TMC1: variants seen among roughly 807,000 people sequenced by gnomAD.
TMC1 encodes the protein transmembrane channel like 1, also known as transmembrane channel-like protein 1.
In TMC1, 84 loss-of-function variants were observed where a neutral mutation model predicts 105.8. That is an observed-to-expected ratio of 0.79 (90% CI 0.67 to 0.95). TMC1 has a LOEUF of 0.95. TMC1 is among the 40% of genes least tolerant of loss of function. TMC1 has a pLI of 0.00. For missense variants in TMC1, 817 were observed against 914.1 expected (o/e 0.89, Z 1.37); for synonymous variants, 315 against 311.5 (o/e 1.01, Z -0.12).
chr9:72,696,063 A>G (rs979054833), intron 7 of TMC1, among the ~76,000 whole-genome samples: 5 of 152,172 alleles, frequency 3.3e-5, no homozygotes, highest in Non-Finnish European at 7.3e-5. Flanking sequence ...TCTCCAATTG[A>G]TGTATGCATG....
intron 3 of TMC1, among the ~76,000 whole-genome samples, chr9:72,622,725 C>G (rs1468778841): frequency 6.6e-6 from 1 of 152,082 alleles, no homozygotes; most frequent in Non-Finnish European, 1.5e-5. Flanking sequence ...ATCTATTATT[C>G]CCTTGGTGAG....
At chr9:72,619,725 AT>A (rs1183264844) in intron 3 of TMC1, among the ~76,000 whole-genome samples, 1 of 151,804 alleles carries the variant, frequency 6.6e-6, no homozygotes, top group African/African-American at 2.4e-5. Context: ...AAAGTACATT[AT>A]TTTTTAGGTT....
intron 8 of TMC1, among the ~76,000 whole-genome samples, chr9:72,710,845 T>C (rs765722813): frequency 3.7e-4 from 56 of 152,176 alleles, no homozygotes; most frequent in Non-Finnish European, 6.5e-4. Context: ...GCAGGTTTGT[T>C]ACATAGGTAT....
chr9:72,685,643 C>A (rs768344979), intron 5 of TMC1, among the ~76,000 whole-genome samples: 3 of 152,092 alleles, frequency 2.0e-5, no homozygotes, highest in Non-Finnish European at 2.9e-5. Flanking sequence ...GGATTACAGG[C>A]GTGAGCCACT....
chr9:72,600,039 T>A (rs918174494), intron 2 of TMC1, among the ~76,000 whole-genome samples: 6 of 152,068 alleles, frequency 3.9e-5, no homozygotes, highest in African/African-American at 1.4e-4. Flanking sequence ...TTGTGGAGGT[T>A]GTGTAATTGT....
At chr9:72,589,744 T>C (rs189868027) in intron 2 of TMC1, among the ~76,000 whole-genome samples, 166 of 152,354 alleles carry the variant, frequency 1.1e-3, no homozygotes, top group Non-Finnish European at 1.6e-3. Flanking sequence ...TCTAACAGCA[T>C]TGGCTGTGGG....
At chr9:72,678,544 CAT>C (rs1826239446) in intron 5 of TMC1, among the ~76,000 whole-genome samples, 1 of 151,830 alleles carries the variant, frequency 6.6e-6, no homozygotes, top group Non-Finnish European at 1.5e-5. Context: ...TAATAACTAT[CAT>C]ATTATATTAT....
At chr9:72,587,060 G>C (rs1008931288) in intron 2 of TMC1, among the ~76,000 whole-genome samples, 1 of 152,222 alleles carries the variant, frequency 6.6e-6, no homozygotes, top group Non-Finnish European at 1.5e-5. Flanking sequence ...GGATGCTGCT[G>C]AACATTTTAC....
intron 7 of TMC1, among the ~76,000 whole-genome samples, chr9:72,698,477 T>G (rs1826587898): frequency 6.6e-6 from 1 of 152,194 alleles, no homozygotes; most frequent in African/African-American, 2.4e-5. Context: ...TCATAAATTA[T>G]TTTTCTGAGT....
chr9:72,656,083 G>A, intron 5 of TMC1: 1 of 697,558 alleles, frequency 1.4e-6, no homozygotes. Flanking sequence ...GATCAAGTCA[G>A]CACACACCTT....
chr9:72,835,850 C>A, intron 23 of TMC1, 101 bp from the exon 24 acceptor site: 1 of 1,371,972 alleles, frequency 7.3e-7, no homozygotes, highest in Non-Finnish European at 1.0e-6. Flanking sequence ...TCATTCAGAA[C>A]CATTAAGCAC....
Position 72,599,789 on chromosome 9 carries a change from G to A in TMC1, c.-305-16579G>A, listed in dbSNP as rs538900217. Among the ~76,000 whole-genome samples the A allele has an allele frequency of 2.0e-5, 3 of 147,492 alleles. No homozygotes were observed. The South Asian group carries it at 6.4e-4, about 31-fold the overall frequency. Reference sequence around the variant, plus strand: ...CATGCCATTGCACTCCAGCCTGGGCGACAAGAGCCAAACTCCATTTCAAAA... The same window carrying A: ...CATGCCATTGCACTCCAGCCTGGGCAACAAGAGCCAAACTCCATTTCAAAA... On this transcript the variant is annotated intron_variant, in intron 2 of 23. Coordinates refer to ENST00000297784, the MANE Select transcript of TMC1 (RefSeq NM_138691.3).
intron 5 of TMC1, among the ~76,000 whole-genome samples, chr9:72,657,520 T>C (rs1272247911): frequency 3.3e-5 from 5 of 152,214 alleles, no homozygotes; most frequent in Admixed American, 3.3e-4. Context: ...TTTTACATGA[T>C]GTAAACAGGT....
At chr9:72,528,679 C>T (rs1449604640) in intron 1 of TMC1, among the ~76,000 whole-genome samples, 1 of 152,124 alleles carries the variant, frequency 6.6e-6, no homozygotes, top group African/African-American at 2.4e-5. Context: ...ACTAAAACCC[C>T]CATCCTCCTG....
chr9:72,572,670 T>G (rs1261093998), intron 1 of TMC1, among the ~76,000 whole-genome samples: 1 of 152,132 alleles, frequency 6.6e-6, no homozygotes, highest in African/African-American at 2.4e-5. Context: ...CTTTCACTCT[T>G]GTCAAAACTT....
intron 6 of TMC1, among the ~76,000 whole-genome samples, chr9:72,690,317 T>TA (rs1334132277): frequency 6.6e-6 from 1 of 152,156 alleles, no homozygotes; most frequent in African/African-American, 2.4e-5. Flanking sequence ...TTTTTATAGT[T>TA]ACTGTTAATA....
In TMC1 at chr9:72,602,278, A is replaced by G. The variant is rs117678826; in HGVS notation, c.-305-14090A>G. On this transcript the variant is annotated intron_variant, in intron 2 of 23. Coordinates refer to ENST00000297784, the MANE Select transcript of TMC1 (RefSeq NM_138691.3). ...GAGACTTGAGAAAGTAAGACAACAC[A>G]CTCCAGGTCACTCAGCCAATTAGTG... is the stretch of plus-strand genomic sequence containing the variant. Among the ~76,000 whole-genome samples the G allele has an allele frequency of 9.5e-3, 1,432 of 150,254 alleles. 17 individuals are homozygous for G. Among genetic ancestry groups the G allele is most frequent in the Non-Finnish European group, 0.013 (891 of 67,696 alleles).
chr9:72,776,085 G>A (rs1168757488), intron 13 of TMC1, among the ~76,000 whole-genome samples: 1 of 152,076 alleles, frequency 6.6e-6, no homozygotes, highest in African/African-American at 2.4e-5. Context: ...TCAGCACAGG[G>A]CTCCCTGGGA....
intron 7 of TMC1, among the ~76,000 whole-genome samples, chr9:72,696,766 T>A (rs1055722678): frequency 1.3e-5 from 2 of 152,166 alleles, no homozygotes; most frequent in Non-Finnish European, 2.9e-5. Context: ...TTTAAGTGGA[T>A]AAGTAATATA....
Sources: gnomAD v4.1 joint callset for allele counts (sites outside exome capture counted in the v4.1 genomes callset) on GRCh38, gnomAD v4.1.1 for gene constraint, MANE v1.5 for transcripts, NCBI Gene and HGNC (gene_info 2026-07-23, HGNC 2026-07-21) for gene names.